CUX1: variants seen among roughly 807,000 people sequenced by gnomAD.
CUX1 encodes the protein protein CASP.
In CUX1, 31 loss-of-function variants were observed where a neutral mutation model predicts 158.8. The ratio of observed to expected loss-of-function variants is 0.20; its 90% confidence interval spans 0.15 to 0.26. The LOEUF (loss-of-function observed/expected upper bound fraction) is 0.26, where lower values mean the gene tolerates loss of function less well. CUX1 is among the 10% of genes least tolerant of loss of function. The pLI is 1.00. For missense variants in CUX1, 1,589 were observed against 2,014.6 expected, an observed-to-expected ratio of 0.79 and a Z score of 4.04; for synonymous variants, 879 against 862.1, an observed-to-expected ratio of 1.02 and a Z score of -0.34.
rs1323694387 is a variant in CUX1 at position 102,248,049 on chromosome 7, T to C, written c.3888-363T>C. On this transcript the variant is annotated intron_variant, in intron 23 of 23. Coordinates refer to ENST00000292535, the MANE Select transcript of CUX1 (RefSeq NM_181552.4). The surrounding 1 kb of genome is among the most constrained non-coding windows in gnomAD (Gnocchi z 5.8). ...TGGAGGCTGAGGCAGGAGAATCGCT[T>C]GAACCCAGGAGGCAGAGGTTGCAGT... is the stretch of plus-strand genomic sequence containing the variant. Among the ~76,000 whole-genome samples, 1 of 152,112 alleles carries C rather than the reference T, an allele frequency of 6.6e-6. No individual in the cohort carries two copies. The highest frequency in any genetic ancestry group is 2.4e-5 in the African/African-American group (1 of 41,428).
At chr7:101,935,472 C>T (rs1806808517) in intron 2 of CUX1, among the ~76,000 whole-genome samples, 1 of 152,332 alleles carries the variant, frequency 6.6e-6, no homozygotes, top group Non-Finnish European at 1.5e-5. Context: ...GGCCTGGCTC[C>T]GTCCACGCTT....
intron 2 of CUX1, among the ~76,000 whole-genome samples, chr7:101,948,112 C>T (rs769212763): frequency 2.6e-5 from 4 of 152,224 alleles, no homozygotes; most frequent in Admixed American, 1.3e-4. Context: ...TTCGGCCAGG[C>T]GCCAAGAAAT....
At chr7:101,868,174 T>C (rs1469796604) in intron 1 of CUX1, among the ~76,000 whole-genome samples, 1 of 152,230 alleles carries the variant, frequency 6.6e-6, no homozygotes, top group African/African-American at 2.4e-5. Context: ...CATTCACTTG[T>C]GCCTTTAGCT....
At chr7:101,951,468 C>T (rs1048705457) in intron 2 of CUX1, among the ~76,000 whole-genome samples, 11 of 152,132 alleles carry the variant, frequency 7.2e-5, no homozygotes, top group African/African-American at 2.7e-4. Flanking sequence ...CATCGATCAA[C>T]CCAGTACCCT....
At position 102,196,963 on chromosome 7, in the gene CUX1, T is replaced by C. The variant is rs781975744; in HGVS notation, c.1552T>C (p.Ser518Pro). 1 of 1,614,132 alleles carries C rather than the reference T, an allele frequency of 6.2e-7. No individual in the cohort carries two copies. The highest frequency in any genetic ancestry group is 1.3e-5 in the African/African-American group (1 of 75,034). Residue 518 changes from serine (S) to proline (P), a missense_variant, in exon 15 of 24, where the codon TCT becomes CCT. By Grantham distance (74) the Ser-to-Pro change is moderately conservative. Transcript: ENST00000292535. ...STGPYSTNSI[S>P]SQSPLQQSPD... is the part of the protein sequence containing the mutation. ...AGGTCCATACAGCACAAACTCCATA[T>C]CTTCCCAAAGTCCATTACAACAAAG...
At chr7:102,059,304 C>T (rs1824500143) in intron 3 of CUX1, among the ~76,000 whole-genome samples, 3 of 152,194 alleles carry the variant, frequency 2.0e-5, no homozygotes, top group Non-Finnish European at 4.4e-5. Context: ...AAGCCAGCGG[C>T]TTCTTCGGGG....
chr7:102,260,237 C>T (rs1478819176), downstream of CUX1, among the ~76,000 whole-genome samples: 1 of 150,216 alleles, frequency 6.7e-6, no homozygotes, highest in Non-Finnish European at 1.5e-5. Context: ...GCTGGGACCA[C>T]AGGTGTGCAC....
In CUX1 at chr7:102,239,387, C is replaced by T. The variant is rs147364710; in HGVS notation, c.3690C>T (p.Thr1230=). The T allele has an allele frequency of 2.5e-6, 4 of 1,613,108 alleles. No individual in the cohort carries two copies. The African/African-American group carries it at 4.0e-5, about 16-fold the overall frequency. ...CCTGCGAACCGCCCTCTGTCGGCAC[C>T]GAGTACAGCCAGGGCGCCAGCCCCC... ...SQPCEPPSVG[T]EYSQGASPQP... Residue 1230 remains threonine (T), a synonymous_variant, in exon 23 of 24, where the codon ACC becomes ACT. Coordinates refer to ENST00000292535, the MANE Select transcript of CUX1 (RefSeq NM_181552.4).
At position 102,249,085 on chromosome 7, in the gene CUX1, G is replaced by A. The variant is rs1554538612; in HGVS notation, c.*43G>A. 9 of 1,233,384 alleles carry A rather than the reference G, an allele frequency of 7.3e-6. No homozygotes were observed. In the South Asian group the frequency reaches 2.2e-4, roughly 31 times the overall value. The allele number at this position is 1,233,384 out of a possible 1,614,324, so 76.4% of individuals were successfully genotyped here. On this transcript the variant is annotated 3_prime_UTR_variant, in exon 24 of 24. Coordinates refer to ENST00000292535, the MANE Select transcript of CUX1 (RefSeq NM_181552.4). Reference sequence around the variant, plus strand: ...GCGGGCAGCCAGGCTGGGCCGCAAGGGCCTGGACGGGGTCGGACGGGGCAG... The same window carrying A: ...GCGGGCAGCCAGGCTGGGCCGCAAGAGCCTGGACGGGGTCGGACGGGGCAG...
intron 1 of CUX1, among the ~76,000 whole-genome samples, chr7:101,895,891 G>GT (rs66481506): frequency 0.027 from 3,008 of 112,668 alleles, 164 homozygotes; most frequent in African/African-American, 0.098. Context: ...CACCTGTAAA[G>GT]TTTTTTTTTT....
intron 2 of CUX1, among the ~76,000 whole-genome samples, chr7:101,992,385 C>T (rs1456084256): frequency 6.6e-6 from 1 of 152,176 alleles, no homozygotes; most frequent in Non-Finnish European, 1.5e-5. Flanking sequence ...AAGTGGCCAA[C>T]TTAAACTCCA....
At chr7:102,068,441 G>T (rs1825787680) in intron 3 of CUX1, among the ~76,000 whole-genome samples, 1 of 34,622 alleles carries the variant, frequency 2.9e-5, no homozygotes, top group African/African-American at 3.6e-4. Context: ...TATCTTATCG[G>T]GTTGAGGGGG....
Position 102,028,150 on chromosome 7 carries a change from G to A in CUX1, c.189+5G>A. 6.2e-7 allele frequency: 1 copy of A among 1,613,134 alleles called. No individual in the cohort carries two copies. The highest frequency in any genetic ancestry group is 8.5e-7 in the Non-Finnish European group (1 of 1,179,976). ...CTGAAGAGTTTCCAAGGAGAGGTAA[G>A]CTTTTCTATTCATTTTCTATCCTGA... On this transcript the variant is annotated splice_donor_5th_base_variant and intron_variant, in intron 3 of 23. Transcript: ENST00000292535.
intron 16 of CUX1, 82 bp downstream of exon 16, chr7:102,198,949 T>A: frequency 7.8e-7 from 1 of 1,286,628 alleles, no homozygotes; most frequent in Non-Finnish European, 1.1e-6. Context: ...GGGTTAAAAC[T>A]GTGCAGTGTG....
intron 2 of CUX1, among the ~76,000 whole-genome samples, chr7:101,917,557 C>T (rs1204392907): frequency 3.9e-5 from 6 of 152,084 alleles, no homozygotes. Context: ...GAGTGGGGGG[C>T]CCTATTCTCC....
At chr7:102,031,832 T>G (rs2129341341) in intron 3 of CUX1, among the ~76,000 whole-genome samples, 1 of 152,198 alleles carries the variant, frequency 6.6e-6, no homozygotes, top group Middle Eastern at 3.4e-3. Context: ...CATATTGCAA[T>G]TATATTTACT....
At chr7:101,879,701 G>T (rs1584861853) in intron 1 of CUX1, among the ~76,000 whole-genome samples, 1 of 152,382 alleles carries the variant, frequency 6.6e-6, no homozygotes, top group Non-Finnish European at 1.5e-5. Flanking sequence ...TTGCCTTCTT[G>T]GGAGATAAAA....
Position 101,909,553 on chromosome 7 carries a change from G to A in CUX1, c.31-6562G>A, listed in dbSNP as rs529516578. Among the ~76,000 whole-genome samples, 13 of 152,332 alleles carry A rather than the reference G, an allele frequency of 8.5e-5. No homozygotes were observed. In the South Asian group the frequency reaches 2.7e-3, roughly 32 times the overall value. On this transcript the variant is annotated intron_variant, in intron 1 of 23. Coordinates refer to ENST00000292535, the MANE Select transcript of CUX1 (RefSeq NM_181552.4). ...ACCTTCCTGTGCAGGAACCATGGCCGACCTTTCCCTTTTTGTACAAGTGAT... is the reference window on the plus strand; with the variant it reads ...ACCTTCCTGTGCAGGAACCATGGCCAACCTTTCCCTTTTTGTACAAGTGAT...
At chr7:102,283,433 C>A in exon 23 of CUX1, 1 of 319,660 alleles carries the variant, frequency 3.1e-6, no homozygotes. Flanking sequence ...ACCACCGATT[C>A]CAGCTGCGGT....
Sources: allele counts gnomAD v4.1 joint callset (sites outside exome capture counted in the v4.1 genomes callset), GRCh38; gene constraint gnomAD v4.1.1; non-coding constraint Gnocchi (gnomAD v3.1); transcripts MANE v1.5; gene names NCBI Gene and HGNC (gene_info 2026-07-23, HGNC 2026-07-21).